The following DPYD variants were observed in gnomAD, a reference collection of about 807,000 sequenced individuals.
DPYD encodes the protein dihydropyrimidine dehydrogenase.
DPYD carries 109 observed loss-of-function variants against 116.2 expected under a neutral mutation model. The ratio of observed to expected loss-of-function variants is 0.94; its 90% CI spans 0.80 to 1.10. The LOEUF (loss-of-function observed/expected upper bound fraction) is 1.10, where lower values mean the gene tolerates loss of function less well. Ranked by LOEUF, DPYD falls within the 50% of genes least tolerant of loss-of-function variation. DPYD has a pLI of 0.00. For synonymous variants in DPYD, 440 were observed against 432.0 expected, an observed-to-expected ratio of 1.02 and a Z score of -0.23; for missense variants, 1,302 against 1,254.5, an observed-to-expected ratio of 1.04 and a Z score of -0.57.
At chr1:97,648,956 C>T (rs1438779068) in intron 8 of DPYD, among the ~76,000 whole-genome samples, 5 of 151,820 alleles carry the variant, frequency 3.3e-5, no homozygotes, top group East Asian at 1.9e-4. Flanking sequence ...AATCTAAATT[C>T]GTATTATATT....
chr1:97,769,882 A>G (rs1666054885), intron 3 of DPYD, among the ~76,000 whole-genome samples: 1 of 152,196 alleles, frequency 6.6e-6, no homozygotes, highest in Admixed American at 6.5e-5. Context: ...CAGTGAACAA[A>G]TGAATAATCA....
intron 1 of DPYD, among the ~76,000 whole-genome samples, chr1:97,888,937 C>T (rs779847312): frequency 2.0e-5 from 3 of 152,020 alleles, no homozygotes; most frequent in Non-Finnish European, 2.9e-5. Context: ...GCAGGTGGAT[C>T]ACCAAGGTCA....
chr1:97,828,339 T>C, intron 2 of DPYD, 143 bp from the exon 3 acceptor site: 1 of 695,818 alleles, frequency 1.4e-6, no homozygotes, highest in Non-Finnish European at 2.5e-6. Context: ...TAGCATTCAT[T>C]AAAATTGACA....
chr1:97,833,509 A>C lies in DPYD; in HGVS notation c.151-5313T>G, dbSNP rs114524343. On this transcript the variant is annotated intron_variant, in intron 2 of 22. Transcript: ENST00000370192. ...TTAAGAGAAAAAAAGGGGGAAGGCT[A>C]AGGTAATAAAATTGGCTCTAGCCTC... 6.2e-3 allele frequency among the ~76,000 whole-genome samples: 946 copies of C among 152,242 alleles called. 14 individuals carry two copies. Among genetic ancestry groups the C allele is most frequent in the African/African-American group, 0.021 (886 of 41,558 alleles).
chr1:97,742,729 GC>G (rs1194480472), intron 3 of DPYD, among the ~76,000 whole-genome samples: 6 of 152,082 alleles, frequency 3.9e-5, no homozygotes, highest in Admixed American at 3.3e-4. Flanking sequence ...AATATACTGA[GC>G]ATTAATAGTG....
intron 18 of DPYD, among the ~76,000 whole-genome samples, chr1:97,241,930 C>T (rs374421601): frequency 6.6e-6 from 1 of 150,994 alleles, no homozygotes; most frequent in African/African-American, 2.4e-5. Flanking sequence ...AGGATAAACA[C>T]TTAATTTTTA....
rs546636454 is a variant in DPYD, at chr1:97,827,475, T to A, written c.233+639A>T. Among the ~76,000 whole-genome samples, 22 of 152,110 alleles carry A rather than the reference T, an allele frequency of 1.4e-4. 2 individuals are homozygous for A. The South Asian group carries it at 4.6e-3, about 32-fold the overall frequency. The stretch of plus-strand genomic sequence containing the variant: ...AATAAAAAGCCTTTCTTGATTCTGA[T>A]CAAATAGATTTGAAAAATGCTTCAC... On this transcript the variant is annotated intron_variant, in intron 3 of 22. Coordinates refer to ENST00000370192, the MANE Select transcript of DPYD (RefSeq NM_000110.4).
At chr1:97,340,360 C>T (rs1669530086) in intron 16 of DPYD, among the ~76,000 whole-genome samples, 1 of 151,982 alleles carries the variant, frequency 6.6e-6, no homozygotes, top group African/African-American at 2.4e-5. Flanking sequence ...CAAGAAAAGA[C>T]ATATAGGGAA....
chr1:97,420,668 C>T (rs955632571), intron 14 of DPYD, among the ~76,000 whole-genome samples: 4 of 152,128 alleles, frequency 2.6e-5, no homozygotes, highest in Non-Finnish European at 5.9e-5. Context: ...ATCATGTCTG[C>T]TATTCTCCCA....
intron 11 of DPYD, among the ~76,000 whole-genome samples, chr1:97,561,776 G>A (rs1417705037): frequency 2.6e-5 from 4 of 152,120 alleles, no homozygotes; most frequent in Admixed American, 6.5e-5. Context: ...ACTCCCCCAT[G>A]TATTCATCCA....
chr1:97,338,167 ATT>A (rs1024948963), intron 16 of DPYD, among the ~76,000 whole-genome samples: 32 of 152,314 alleles, frequency 2.1e-4, no homozygotes, highest in African/African-American at 7.7e-4. Context: ...TTACTGAGAC[ATT>A]GGGAAAATTA....
intron 1 of DPYD, among the ~76,000 whole-genome samples, chr1:97,917,407 CT>C (rs1189245577): frequency 6.6e-6 from 1 of 152,184 alleles, no homozygotes; most frequent in Non-Finnish European, 1.5e-5. Context: ...GTAAAGTCCA[CT>C]TTCTCCAAGT....
intron 5 of DPYD, among the ~76,000 whole-genome samples, chr1:97,717,611 C>G (rs1230658320): frequency 6.6e-6 from 1 of 152,008 alleles, no homozygotes; most frequent in East Asian, 1.9e-4. Flanking sequence ...TTCTCTTCCC[C>G]CTAAGTCCAC....
chr1:97,357,140 C>T (rs60504445), intron 16 of DPYD, among the ~76,000 whole-genome samples: 2 of 152,162 alleles, frequency 1.3e-5, no homozygotes, highest in Non-Finnish European at 2.9e-5. Flanking sequence ...ACCAATTCTT[C>T]TAATCCATGA....
At chr1:97,447,599 T>G (rs1417392355) in intron 14 of DPYD, among the ~76,000 whole-genome samples, 1 of 152,188 alleles carries the variant, frequency 6.6e-6, no homozygotes, top group African/African-American at 2.4e-5. Flanking sequence ...GTATGCATTT[T>G]TTTCTCAAGA....
At chr1:97,916,377 T>C (rs1403842470) in intron 1 of DPYD, among the ~76,000 whole-genome samples, 1 of 152,130 alleles carries the variant, frequency 6.6e-6, no homozygotes, top group African/African-American at 2.4e-5. Flanking sequence ...CCCCTTCCTG[T>C]GTTCATGTGT....
At chr1:97,266,648 T>A (rs1006436662) in intron 18 of DPYD, among the ~76,000 whole-genome samples, 6 of 152,140 alleles carry the variant, frequency 3.9e-5, no homozygotes, top group African/African-American at 1.2e-4. Context: ...TCATTTACAT[T>A]AAGTATTTCT....
intron 18 of DPYD, among the ~76,000 whole-genome samples, chr1:97,260,097 G>C (rs745542477): frequency 6.6e-6 from 1 of 152,076 alleles, no homozygotes; most frequent in Non-Finnish European, 1.5e-5. Flanking sequence ...TTATAAGATT[G>C]CTCTTCTGAA....
At chr1:97,792,331 T>C (rs1667363396) in intron 3 of DPYD, among the ~76,000 whole-genome samples, 1 of 151,988 alleles carries the variant, frequency 6.6e-6, no homozygotes. Flanking sequence ...TGGAGTGCAG[T>C]GGTGCAAGCT....
Sources: allele counts gnomAD v4.1 joint callset (sites outside exome capture counted in the v4.1 genomes callset), GRCh38; gene constraint gnomAD v4.1.1; transcripts MANE v1.5; gene names NCBI Gene and HGNC (gene_info 2026-07-23, HGNC 2026-07-21).